The following ELAVL2 variants were observed in gnomAD, a reference collection of about 807,000 sequenced individuals.
The protein encoded by ELAVL2 is ELAV like RNA binding protein 2.
A neutral mutation model predicts 34.6 loss-of-function variants in ELAVL2; 4 were observed. The ratio of observed to expected loss-of-function variants is 0.12; its 90% CI spans 0.06 to 0.26. The LOEUF (loss-of-function observed/expected upper bound fraction) is 0.26, where lower values mean the gene tolerates loss of function less well. Ranked by LOEUF, ELAVL2 falls within the 10% of genes least tolerant of loss-of-function variation. ELAVL2 has a pLI of 1.00. For synonymous variants in ELAVL2, 193 were observed against 154.8 expected (o/e 1.25, Z -1.83); for missense variants, 432 against 442.8 (o/e 0.98, Z 0.22).
chr9:23,830,827 A>G (rs1439694821), upstream of ELAVL2, among the ~76,000 whole-genome samples: 1 of 151,836 alleles, frequency 6.6e-6, no homozygotes, highest in African/African-American at 2.4e-5. Flanking sequence ...CTCAATAGCA[A>G]CTTTTAGGAG....
intron 1 of ELAVL2, among the ~76,000 whole-genome samples, chr9:23,813,631 A>T (rs2063319053): frequency 6.6e-6 from 1 of 152,182 alleles, no homozygotes. Flanking sequence ...CAATGGGGAC[A>T]GTTCTAAAAT....
intron 3 of ELAVL2, among the ~76,000 whole-genome samples, chr9:23,725,901 A>G (rs1029028042): frequency 3.3e-5 from 5 of 152,166 alleles, no homozygotes; most frequent in Non-Finnish European, 7.4e-5. Context: ...GGTAATGAAA[A>G]TTCTCAGTGA....
chr9:23,765,924 T>G (rs1331161598), intron 1 of ELAVL2, among the ~76,000 whole-genome samples: 1 of 152,134 alleles, frequency 6.6e-6, no homozygotes, highest in Admixed American at 6.6e-5. Context: ...TACCACTTAT[T>G]GAAACTTGCC....
chr9:23,722,012 A>T (rs1332178068), intron 3 of ELAVL2, among the ~76,000 whole-genome samples: 1 of 152,204 alleles, frequency 6.6e-6, no homozygotes, highest in East Asian at 1.9e-4. Flanking sequence ...TTCAAGTGTC[A>T]ACTGTACAGC....
chr9:23,770,649 G>T (rs1039252020), intron 1 of ELAVL2, among the ~76,000 whole-genome samples: 7 of 152,160 alleles, frequency 4.6e-5, no homozygotes, highest in Admixed American at 4.6e-4. Context: ...CAGCCTCTAG[G>T]AGCTGCAAAA....
chr9:23,781,729 G>A (rs866235228), intron 1 of ELAVL2, among the ~76,000 whole-genome samples: 1 of 151,754 alleles, frequency 6.6e-6, no homozygotes, highest in Non-Finnish European at 1.5e-5. Context: ...GTCTTGCTCT[G>A]CAACCCAGGC....
At chr9:23,746,491 T>C (rs969040137) in intron 2 of ELAVL2, among the ~76,000 whole-genome samples, 2 of 152,092 alleles carry the variant, frequency 1.3e-5, no homozygotes, top group South Asian at 2.1e-4. Context: ...AGGAGTTAAG[T>C]AGTAGGAAGT....
intron 5 of ELAVL2, among the ~76,000 whole-genome samples, chr9:23,698,284 AG>A (rs2035957810): frequency 1.3e-5 from 2 of 152,206 alleles, no homozygotes; most frequent in Middle Eastern, 3.2e-3. Context: ...CAAATAAATA[AG>A]GCTTGTCCTA....
chr9:23,825,252 T>G (rs916814345), intron 1 of ELAVL2, among the ~76,000 whole-genome samples: 2 of 152,194 alleles, frequency 1.3e-5, no homozygotes, highest in African/African-American at 4.8e-5. Flanking sequence ...TCAGGCGGCA[T>G]GTACTTTTTT....
chr9:23,787,667 G>T (rs980415786), intron 1 of ELAVL2, among the ~76,000 whole-genome samples: 17 of 151,936 alleles, frequency 1.1e-4, no homozygotes, highest in African/African-American at 2.7e-4. Context: ...ACACATCAAT[G>T]AAGCAGCTAA....
At chr9:23,697,370 C>T (rs2035620970) in intron 5 of ELAVL2, among the ~76,000 whole-genome samples, 1 of 152,098 alleles carries the variant, frequency 6.6e-6, no homozygotes, top group African/African-American at 2.4e-5. Context: ...GATGAGATAT[C>T]TGAAATTATT....
chr9:23,737,282 A>C (rs371948559), intron 2 of ELAVL2, among the ~76,000 whole-genome samples: 1 of 152,234 alleles, frequency 6.6e-6, no homozygotes, highest in South Asian at 2.1e-4. Flanking sequence ...AGTTGCCCTT[A>C]TAAACATGTT....
At chr9:23,730,633 A>T (rs2046298103) in intron 3 of ELAVL2, among the ~76,000 whole-genome samples, 1 of 152,152 alleles carries the variant, frequency 6.6e-6, no homozygotes, top group Non-Finnish European at 1.5e-5. Context: ...CTATAAAGGC[A>T]GAGTTGAGAA....
chr9:23,700,017 T>G (rs1034699635), intron 5 of ELAVL2, among the ~76,000 whole-genome samples: 2 of 152,010 alleles, frequency 1.3e-5, no homozygotes, highest in Non-Finnish European at 2.9e-5. Flanking sequence ...TTAGTATTTT[T>G]TTAAAAGGAG....
intron 3 of ELAVL2, among the ~76,000 whole-genome samples, chr9:23,714,782 G>A (rs957149132): frequency 3.3e-5 from 5 of 151,978 alleles, no homozygotes; most frequent in Admixed American, 3.3e-4. Flanking sequence ...TCGGCCACCT[G>A]ATGATTCAAT....
At chr9:23,713,811 TAG>T (rs1197084089) in intron 3 of ELAVL2, among the ~76,000 whole-genome samples, 1 of 152,142 alleles carries the variant, frequency 6.6e-6, no homozygotes. Flanking sequence ...ACTATGAAAC[TAG>T]AGGTTAGGAT....
intron 2 of ELAVL2, among the ~76,000 whole-genome samples, chr9:23,740,397 GAGC>G (rs2048883297): frequency 2.6e-5 from 4 of 152,148 alleles, no homozygotes; most frequent in Non-Finnish European, 5.9e-5. Flanking sequence ...TAGCTCAAAG[GAGC>G]AGCTGGGTTT....
At chr9:23,769,988 G>C (rs1357341353) in intron 1 of ELAVL2, among the ~76,000 whole-genome samples, 3 of 152,126 alleles carry the variant, frequency 2.0e-5, no homozygotes, top group Admixed American at 6.6e-5. Flanking sequence ...TTGAGCAATG[G>C]GAAAGTAAAG....
At chr9:23,818,935 C>T (rs1195710966) in intron 1 of ELAVL2, among the ~76,000 whole-genome samples, 1 of 152,086 alleles carries the variant, frequency 6.6e-6, no homozygotes, top group Non-Finnish European at 1.5e-5. Flanking sequence ...GCCTGAAAAG[C>T]GTCACAGGTT....
Sources: allele counts gnomAD v4.1 joint callset (sites outside exome capture counted in the v4.1 genomes callset), GRCh38; gene constraint gnomAD v4.1.1; transcripts MANE v1.5; gene names NCBI Gene and HGNC (gene_info 2026-07-23, HGNC 2026-07-21).